The following PTPN12 variants were observed in gnomAD, a reference collection of about 807,000 sequenced individuals.
PTPN12 encodes the protein protein tyrosine phosphatase non-receptor type 12, also known as tyrosine-protein phosphatase non-receptor type 12.
Under a neutral mutation model 97.6 loss-of-function variants are expected in PTPN12, and 29 were observed. The ratio of observed to expected loss-of-function variants is 0.30; its 90% CI spans 0.22 to 0.41. The LOEUF (loss-of-function observed/expected upper bound fraction) is 0.41. Ranked by LOEUF, PTPN12 falls within the 10% of genes least tolerant of loss-of-function variation. The probability of loss-of-function intolerance (pLI) is 1.00; values close to 1 mark genes in which losing one functional copy is unlikely to be tolerated. For missense variants in PTPN12, 819 were observed against 926.0 expected (o/e 0.88, Z 1.50); for synonymous variants, 327 against 300.4 (o/e 1.09, Z -0.91).
At chr7:77,581,385 T>C in intron 2 of PTPN12, 42 bp from the exon 3 acceptor site, 1 of 1,312,144 alleles carries the variant, frequency 7.6e-7, no homozygotes, top group Non-Finnish European at 1.1e-6. Context: ...AGAAAATACC[T>C]GTGTGTCAAC....
At chr7:77,589,816 A>G (rs1036198034) in intron 5 of PTPN12, among the ~76,000 whole-genome samples, 1 of 152,188 alleles carries the variant, frequency 6.6e-6, no homozygotes, top group African/African-American at 2.4e-5. Context: ...CTAATGTTTT[A>G]AGTTACTGTT....
intron 5 of PTPN12, among the ~76,000 whole-genome samples, chr7:77,589,809 A>G (rs1787808956): frequency 6.6e-6 from 1 of 152,184 alleles, no homozygotes; most frequent in African/African-American, 2.4e-5. Flanking sequence ...CATTCTCCTA[A>G]TGTTTTAAGT....
chr7:77,554,066 C>T (rs201168071), intron 1 of PTPN12, among the ~76,000 whole-genome samples: 9 of 152,102 alleles, frequency 5.9e-5, no homozygotes, highest in South Asian at 2.1e-4. Context: ...TCTGGGCTCA[C>T]GTGATCCTCC....
chr7:77,607,388 ATTTT>A, intron 9 of PTPN12, 87 bp downstream of exon 9: 1 of 965,620 alleles, frequency 1.0e-6, no homozygotes, highest in Non-Finnish European at 1.6e-6. Flanking sequence ...TATAGTGTAT[ATTTT>A]ATTATACATG....
At chr7:77,613,125 G>A (rs1399548870) in intron 11 of PTPN12, among the ~76,000 whole-genome samples, 1 of 148,786 alleles carries the variant, frequency 6.7e-6, no homozygotes, top group Non-Finnish European at 1.5e-5. Context: ...TTAATATTTC[G>A]AAAAGCTGAG....
At chr7:77,580,230 G>A (rs1269371109) in intron 2 of PTPN12, among the ~76,000 whole-genome samples, 2 of 152,338 alleles carry the variant, frequency 1.3e-5, no homozygotes, top group Non-Finnish European at 2.9e-5. Flanking sequence ...TTGGGAGCCT[G>A]AGCCAGGAAG....
intron 14 of PTPN12, among the ~76,000 whole-genome samples, chr7:77,635,378 G>A (rs1468858708): frequency 1.3e-5 from 2 of 152,174 alleles, no homozygotes; most frequent in African/African-American, 2.4e-5. Flanking sequence ...CCAGTGAGCC[G>A]AGATCGCGCC....
chr7:77,585,734 A>T (rs563589614), intron 5 of PTPN12, among the ~76,000 whole-genome samples, 153 bp downstream of exon 5: 1 of 152,180 alleles, frequency 6.6e-6, no homozygotes, highest in South Asian at 2.1e-4. Context: ...GGACAAAATA[A>T]TCTCTCAAGC....
At chr7:77,585,122 T>A (rs1787647713) in intron 4 of PTPN12, 1 of 152,530 alleles carries the variant, frequency 6.6e-6, no homozygotes, top group African/African-American at 2.4e-5. Context: ...CATTATAAAA[T>A]GGGAAAAAGC....
intron 2 of PTPN12, among the ~76,000 whole-genome samples, chr7:77,577,189 A>G (rs887088362): frequency 6.6e-6 from 1 of 152,114 alleles, no homozygotes; most frequent in African/African-American, 2.4e-5. Context: ...ATGTTGCTTC[A>G]TATCTCTTCA....
chr7:77,575,464 C>T (rs1051578858), intron 2 of PTPN12, among the ~76,000 whole-genome samples: 1 of 152,138 alleles, frequency 6.6e-6, no homozygotes, highest in Non-Finnish European at 1.5e-5. Flanking sequence ...ACTATGATTG[C>T]ACCACTGCAC....
At chr7:77,605,411 T>TTTG (rs1788331877) in intron 8 of PTPN12, among the ~76,000 whole-genome samples, 1 of 50,080 alleles carries the variant, frequency 2.0e-5, no homozygotes, top group African/African-American at 8.9e-5. Context: ...TGTCATGAGT[T>TTTG]TTTTTTTTTT....
chr7:77,587,638 C>A (rs1051474709), intron 5 of PTPN12, among the ~76,000 whole-genome samples: 1 of 152,238 alleles, frequency 6.6e-6, no homozygotes, highest in Non-Finnish European at 1.5e-5. Flanking sequence ...TAACCCCTAA[C>A]AAGAGAGTCA....
intron 4 of PTPN12, among the ~76,000 whole-genome samples, chr7:77,584,144 T>C (rs964499754): frequency 6.6e-6 from 1 of 152,228 alleles, no homozygotes; most frequent in Non-Finnish European, 1.5e-5. Context: ...GCAGAGAAAT[T>C]AGAATACTGC....
At chr7:77,601,257 C>CAT (rs1788179273) in intron 8 of PTPN12, among the ~76,000 whole-genome samples, 1 of 152,162 alleles carries the variant, frequency 6.6e-6, no homozygotes. Context: ...GTGGCACAAT[C>CAT]ATAGCTTACT....
chr7:77,586,448 G>A (rs1243172789), intron 5 of PTPN12, among the ~76,000 whole-genome samples: 2 of 151,284 alleles, frequency 1.3e-5, no homozygotes, highest in Non-Finnish European at 2.9e-5. Context: ...GACCAGGAAC[G>A]GTAGTTCACA....
At chr7:77,546,245 G>A (rs1807215692) in intron 1 of PTPN12, among the ~76,000 whole-genome samples, 1 of 152,130 alleles carries the variant, frequency 6.6e-6, no homozygotes, top group Admixed American at 6.5e-5. Flanking sequence ...AAGCAAAAAT[G>A]TGATTAATTC....
intron 1 of PTPN12, among the ~76,000 whole-genome samples, chr7:77,552,170 G>T (rs1026225373): frequency 1.3e-5 from 2 of 152,194 alleles, no homozygotes; most frequent in African/African-American, 4.8e-5. Flanking sequence ...AAGCTTGAGT[G>T]CAGTGGCACA....
intron 1 of PTPN12, among the ~76,000 whole-genome samples, chr7:77,564,661 A>G (rs1263716272): frequency 6.9e-6 from 1 of 145,922 alleles, no homozygotes; most frequent in Non-Finnish European, 1.5e-5. Flanking sequence ...TAGTTTTAAT[A>G]TTTGTATATT....
Sources: gnomAD v4.1 joint callset for allele counts (sites outside exome capture counted in the v4.1 genomes callset) on GRCh38, gnomAD v4.1.1 for gene constraint, MANE v1.5 for transcripts, NCBI Gene and HGNC (gene_info 2026-07-23, HGNC 2026-07-21) for gene names.